The following ARAP3 variants were observed in gnomAD, a reference collection of about 807,000 sequenced individuals.
ARAP3 encodes ArfGAP with RhoGAP domain, ankyrin repeat and PH domain 3.
A neutral mutation model predicts 169.2 loss-of-function variants in ARAP3; 82 were observed. The ratio of observed to expected loss-of-function variants is 0.48; its 90% CI spans 0.41 to 0.58. ARAP3 has a LOEUF of 0.58. Among genes scored for constraint, ARAP3 ranks in the 20% least tolerant of loss-of-function variants. ARAP3 has a pLI of 0.00. For missense variants in ARAP3, 1,764 were observed against 2,018.0 expected, an observed-to-expected ratio of 0.87 and a Z score of 2.41; for synonymous variants, 791 against 800.3, an observed-to-expected ratio of 0.99 and a Z score of 0.20.
intron 19 of ARAP3, 30 bp downstream of exon 19, chr5:141,664,892 T>C (rs757677623): frequency 4.2e-5 from 20 of 479,498 alleles, no homozygotes; most frequent in Middle Eastern, 8.1e-4. Context: ...CCCACCCCCA[T>C]TGGCTCAGTA....
intron 22 of ARAP3, 102 bp from the exon 23 acceptor site, chr5:141,659,578 GA>G (rs1366359870): frequency 1.4e-6 from 2 of 1,409,596 alleles, no homozygotes; most frequent in Non-Finnish European, 2.0e-6. Context: ...GAGGCCAGAA[GA>G]GCTAAGAACC....
In ARAP3 at chr5:141,672,782, C is replaced by T. The variant is rs900371882; in HGVS notation, c.1237G>A (p.Ala413Thr). ...LRGHKAKVFA[A>T]LSPGELALYK... Reference sequence around the variant, plus strand: ...AGTGCCAGCTCTCCAGGGCTCAAGGCAGCAAACACCTTGGCCTTGTGTCCA... The same window carrying T: ...AGTGCCAGCTCTCCAGGGCTCAAGGTAGCAAACACCTTGGCCTTGTGTCCA... Residue 413 changes from alanine (A) to threonine (T), a missense_variant, in exon 8 of 33, where the codon GCC becomes ACC. This residue lies in a region of ARAP3 where 630 missense variants were observed against 678.7 expected (regional missense o/e 0.93). Transcript: ENST00000239440. The surrounding 1 kb of genome is among the most constrained non-coding windows in gnomAD (Gnocchi z 4.9). 6 of 1,613,780 alleles carry T rather than the reference C, an allele frequency of 3.7e-6. No homozygotes were observed. The African/African-American group carries it at 6.7e-5, about 18-fold the overall frequency.
chr5:141,672,339 C>T lies in ARAP3; in HGVS notation c.1386-38G>A, dbSNP rs758056036. ...CAGCCAGTCCATGGGCATGGACCTA[C>T]CTGCCATGTCCCATCCCCCTGGCTC... is the stretch of plus-strand genomic sequence containing the variant. On this transcript the variant is annotated intron_variant, in intron 9 of 32. Coordinates refer to ENST00000239440, the MANE Select transcript of ARAP3 (RefSeq NM_022481.6). The surrounding 1 kb of genome is among the most constrained non-coding windows in gnomAD (Gnocchi z 4.9). 11 of 1,607,814 alleles carry T rather than the reference C, an allele frequency of 6.8e-6. No individual in the cohort carries two copies. The highest frequency in any genetic ancestry group is 8.5e-6 in the Non-Finnish European group (10 of 1,176,356).
chr5:141,655,255 C>A, intron 32 of ARAP3, 107 bp downstream of exon 32: 1 of 1,206,420 alleles, frequency 8.3e-7, no homozygotes. Flanking sequence ...CACACACACA[C>A]ACACCCCCTG....
At position 141,673,467 on chromosome 5, in the gene ARAP3, G is replaced by A; in HGVS notation, c.906C>T (p.Asn302=). 1 of 1,614,162 alleles carries A rather than the reference G, an allele frequency of 6.2e-7. No individual in the cohort carries two copies. Among genetic ancestry groups the A allele is most frequent in the South Asian group, 1.1e-5 (1 of 91,082 alleles). ...GCACAAAGCGTCTCTGGAAGACATA[G>A]TTTCTGAGGAAGGAAGGAGCCAAGA... is the stretch of plus-strand genomic sequence containing the variant. ...GWLDKLSPQG[N]YVFQRRFVQF... is the part of the protein sequence containing the mutation. Residue 302 remains asparagine (N), a synonymous_variant, in exon 6 of 33, where the codon AAC becomes AAT. Coordinates refer to ENST00000239440, the MANE Select transcript of ARAP3 (RefSeq NM_022481.6).
rs770501346 is a variant in ARAP3 at position 141,672,157 on chromosome 5, G to A, written c.1530C>T (p.Ser510=). ...ANRQCADCGS[S]RPDWAAVNLG... ...AATTGACAGCAGCCCAATCTGGGCGGGAGGACCCACAGTCCGCACACTGCC... is the reference window on the plus strand; with the variant it reads ...AATTGACAGCAGCCCAATCTGGGCGAGAGGACCCACAGTCCGCACACTGCC... Residue 510 remains serine, a synonymous_variant, in exon 10 of 33, where the codon TCC becomes TCT. Coordinates refer to ENST00000239440, the MANE Select transcript of ARAP3 (RefSeq NM_022481.6). This position sits in a 1 kb window ranked among gnomAD's most constrained non-coding sequence, Gnocchi z 4.9. 1.2e-6 allele frequency: 2 copies of A among 1,614,144 alleles called. No individual in the cohort carries two copies. Among genetic ancestry groups the A allele is most frequent in the Non-Finnish European group, 1.7e-6 (2 of 1,180,016 alleles).
At position 141,680,442 on chromosome 5, in the gene ARAP3, C is replaced by T. The variant is rs567176182; in HGVS notation, c.45G>A (p.Thr15=). 1.1e-5 allele frequency: 18 copies of T among 1,609,512 alleles called. No individual in the cohort carries two copies. The highest frequency in any genetic ancestry group is 9.3e-5 in the African/African-American group (7 of 75,040). ...QDLDIAVWLA[T]VHLEQYADTF... ...TGTCTGCATACTGCTCCAGGTGCAC[C>T]GTGGCCAGCCACACAGCGATGTCCA... Residue 15 remains threonine (T), a synonymous_variant, in exon 2 of 33, where the codon ACG becomes ACA. Coordinates refer to ENST00000239440, the MANE Select transcript of ARAP3 (RefSeq NM_022481.6).
chr5:141,654,511 C>T (rs538307718), intron 32 of ARAP3, 76 bp from the exon 33 acceptor site: 1 of 1,500,350 alleles, frequency 6.7e-7, no homozygotes, highest in South Asian at 1.3e-5. Flanking sequence ...ATTTACTGAG[C>T]TCTTCCTCTG....
intron 17 of ARAP3, 36 bp from the exon 18 acceptor site, chr5:141,665,410 C>T (rs1448795003): frequency 1.9e-6 from 3 of 1,604,036 alleles, no homozygotes; most frequent in Non-Finnish European, 1.7e-6. Flanking sequence ...TCATGATTAT[C>T]GTCTTCATTA....
chr5:141,670,806 G>C (rs80161128), intron 13 of ARAP3, among the ~76,000 whole-genome samples, 178 bp from the exon 14 acceptor site: 2,378 of 152,278 alleles, frequency 0.016, 20 homozygotes, highest in Non-Finnish European at 0.024. Context: ...AGAGAGGCAG[G>C]GGGTAATGAG....
At chr5:141,679,680 A>C (rs2099912709) in intron 3 of ARAP3, 24 bp from the exon 4 acceptor site, 2 of 1,613,794 alleles carry the variant, frequency 1.2e-6, no homozygotes, top group African/African-American at 2.7e-5. Context: ...AGGGGAACGC[A>C]CAAGGAAGAG....
intron 4 of ARAP3, among the ~76,000 whole-genome samples, chr5:141,674,153 G>C (rs2154599153): frequency 6.6e-6 from 1 of 152,022 alleles, no homozygotes; most frequent in African/African-American, 2.4e-5. Context: ...AGTAGAGACG[G>C]GGTTTCTCCA....
Position 141,662,220 on chromosome 5 carries a change from C to T in ARAP3, c.2836G>A (p.Ala946Thr), listed in dbSNP as rs756689716. ...RLEGVYRKGG[A>T]RARSLRLLAE... ...AGGAGTCTCAGGCTGCGGGCACGAG[C>T]GCCCCCTTTCCGGTATACACCTTCC... is the stretch of plus-strand genomic sequence containing the variant. Residue 946 changes from alanine to threonine, a missense_variant, in exon 20 of 33, where the codon GCT becomes ACT. By Grantham distance (58) the Ala-to-Thr change is moderately conservative. Coordinates refer to ENST00000239440, the MANE Select transcript of ARAP3 (RefSeq NM_022481.6). 2.7e-5 allele frequency: 43 copies of T among 1,614,080 alleles called. No individual in the cohort carries two copies. The highest frequency in any genetic ancestry group is 3.2e-5 in the Non-Finnish European group (38 of 1,180,052).
chr5:141,671,575 G>A lies in ARAP3; in HGVS notation c.1849C>T (p.Leu617Phe). Residue 617 changes from leucine to phenylalanine, a missense_variant, in exon 12 of 33, where the codon CTC (leucine) becomes TTC (phenylalanine). Leu to Phe is a conservative substitution (Grantham distance 22). This residue lies in a region of ARAP3 where 1,112 missense variants were observed against 1,285.7 expected (regional missense o/e 0.86). Transcript: ENST00000239440. The surrounding 1 kb of genome is among the most constrained non-coding windows in gnomAD (Gnocchi z 4.9). ...CCCTGCTCTGTCCCTCCTACCTGGA[G>A]AAGCTGGCTATGATCTGGGTACTGA... ...HPQYPDHSQLLQALCAAVARP... is the reference protein window; with the variant it reads ...HPQYPDHSQLFQALCAAVARP... 2 of 1,613,998 alleles carry A rather than the reference G, an allele frequency of 1.2e-6. No homozygotes were observed. The highest frequency in any genetic ancestry group is 2.7e-5 in the African/African-American group (2 of 75,038).
Position 141,665,348 on chromosome 5 carries a change from C to G in ARAP3, c.2599G>C (p.Asp867His), listed in dbSNP as rs2099910492. 2 of 1,614,100 alleles carry G rather than the reference C, an allele frequency of 1.2e-6. No individual in the cohort carries two copies. The highest frequency in any genetic ancestry group is 2.7e-5 in the African/African-American group (2 of 74,940). ...ACCAGGACCAAATGCTCTTTCTTAT[C>G]TGGGGTGTCAGCTGCAGAAACCACA... ...ISVVSAADTP[D>H]KKEHLVLVET... The change falls in exon 18 of 33, where the codon GAT becomes CAT. Residue 867 changes from aspartate (D) to histidine (H), a missense_variant. Transcript: ENST00000239440.
rs980426610 is a variant in ARAP3, at chr5:141,659,944, G to A, written c.3120-18C>T. 1.5e-5 allele frequency: 23 copies of A among 1,541,230 alleles called. No homozygotes were observed. Among genetic ancestry groups the A allele is most frequent in the Admixed American group, 3.9e-5 (2 of 50,720 alleles). On this transcript the variant is annotated intron_variant, in intron 21 of 32. Transcript: ENST00000239440. ...TCTGCACCCTGCAGAGGGGTGCCAC[G>A]GTCTTCATCAGTGTAGCCACTCATT...
At chr5:141,663,262 G>A (rs967132755) in intron 19 of ARAP3, among the ~76,000 whole-genome samples, 8 of 152,132 alleles carry the variant, frequency 5.3e-5, no homozygotes, top group African/African-American at 1.9e-4. Flanking sequence ...AACAATGGTG[G>A]TGCAGGAACC....
chr5:141,673,857 G>A (rs1163858895), intron 4 of ARAP3, 49 bp from the exon 5 acceptor site: 1 of 1,580,542 alleles, frequency 6.3e-7, no homozygotes, highest in Non-Finnish European at 8.6e-7. Flanking sequence ...AAGTACCCCG[G>A]ACACCCTCTT....
At chr5:141,670,104 C>T (rs367830805) in intron 14 of ARAP3, 41 bp from the exon 15 acceptor site, 10 of 1,575,404 alleles carry the variant, frequency 6.3e-6, no homozygotes, top group Non-Finnish European at 8.5e-6. Flanking sequence ...CAGACCTCTG[C>T]CCCCACTGTC....
Sources: gnomAD v4.1 joint callset for allele counts (sites outside exome capture counted in the v4.1 genomes callset) on GRCh38, gnomAD v4.1.1 for gene constraint, gnomAD v4.1.1 regional missense constraint, Gnocchi (gnomAD v3.1) non-coding constraint, MANE v1.5 for transcripts, NCBI Gene and HGNC (gene_info 2026-07-23, HGNC 2026-07-21) for gene names.